The following DCTN6 variants were observed in gnomAD, a reference collection of about 807,000 sequenced individuals.
DCTN6 encodes the protein dynactin subunit 6.
In DCTN6, 15 loss-of-function variants were observed where a neutral mutation model predicts 25.8. The ratio of observed to expected loss-of-function variants is 0.58; its 90% confidence interval spans 0.39 to 0.89. The LOEUF (loss-of-function observed/expected upper bound fraction) is 0.89. Ranked by LOEUF, DCTN6 falls within the 40% of genes least tolerant of loss-of-function variation. The probability of loss-of-function intolerance (pLI) is 0.00; values close to 1 mark genes in which losing one functional copy is unlikely to be tolerated. For missense variants in DCTN6, 198 were observed against 237.6 expected, an observed-to-expected ratio of 0.83 and a Z score of 1.09; for synonymous variants, 64 against 78.3, an observed-to-expected ratio of 0.82 and a Z score of 0.96.
chr8:30,177,174 T>C lies in DCTN6; in HGVS notation c.243T>C (p.Pro81=), dbSNP rs1803847279. ...TPDTEDPEPK[P]MIIGTNNVFE... is the part of the protein sequence containing the mutation. ...ACACTGAAGATCCAGAACCAAAACC[T>C]ATGATCATTGGCACCAATAATGTGT... Residue 81 remains proline, a synonymous_variant, in exon 4 of 7, where the codon CCT becomes CCC. Coordinates refer to ENST00000221114, the MANE Select transcript of DCTN6 (RefSeq NM_006571.4). The C allele has an allele frequency of 1.4e-5, 22 of 1,613,756 alleles. No homozygotes were observed. The highest frequency in any genetic ancestry group is 1.9e-5 in the Non-Finnish European group (22 of 1,179,894).
chr8:30,163,974 T>C, intron 1 of DCTN6, 137 bp from the exon 2 acceptor site: 1 of 705,116 alleles, frequency 1.4e-6, no homozygotes, highest in Non-Finnish European at 2.5e-6. Flanking sequence ...AGTGCTAGGA[T>C]TACAGGCGTG....
At chr8:30,165,075 T>G (rs879452063) in intron 2 of DCTN6, among the ~76,000 whole-genome samples, 5 of 152,208 alleles carry the variant, frequency 3.3e-5, no homozygotes, top group Non-Finnish European at 7.3e-5. Context: ...ATGAGCAATT[T>G]TCATAACATG....
chr8:30,175,196 ACT>A lies in DCTN6; in HGVS notation c.194+9_194+10del, dbSNP rs769297839. On this transcript the variant is annotated splice_region_variant and intron_variant, in intron 3 of 6. Transcript: ENST00000221114. ...CAGGCCCTTATCATAAATGCGTAAGACTCTTATACATACTGTGAACCAAGTAC... is the reference window on the plus strand; with the variant it reads ...CAGGCCCTTATCATAAATGCGTAAGACTTATACATACTGTGAACCAAGTAC... 15 of 1,609,984 alleles carry A rather than the reference ACT, an allele frequency of 9.3e-6. No homozygotes were observed. In the East Asian group the frequency reaches 2.9e-4, roughly 31 times the overall value.
intron 6 of DCTN6, among the ~76,000 whole-genome samples, chr8:30,181,686 A>G (rs1323067878): frequency 6.6e-6 from 1 of 152,040 alleles, no homozygotes; most frequent in Non-Finnish European, 1.5e-5. Flanking sequence ...GAAGGAGTTT[A>G]AGACCAGCCT....
Position 30,156,687 on chromosome 8 carries a change from C to CG in DCTN6, c.23+289dup, listed in dbSNP as rs11305860. Among the ~76,000 whole-genome samples, 416 of 151,130 alleles carry CG rather than the reference C, an allele frequency of 2.8e-3. 2 individuals carry two copies. Among genetic ancestry groups the CG allele is most frequent in the African/African-American group, 6.6e-3 (273 of 41,204 alleles). ...AGAGGGGGTCTCCCGGCCGGGAGGGCGGGGGGGGCTGTGAGGGGAGGGTGA... is the reference window on the plus strand; with the variant it reads ...AGAGGGGGTCTCCCGGCCGGGAGGGCGGGGGGGGGCTGTGAGGGGAGGGTGA... On this transcript the variant is annotated intron_variant, in intron 1 of 6. Transcript: ENST00000221114.
intron 2 of DCTN6, chr8:30,165,869 A>G (rs1194520081): frequency 6.7e-6 from 1 of 149,084 alleles, no homozygotes; most frequent in African/African-American, 2.5e-5. Flanking sequence ...CTCAGAAAAA[A>G]AAAAAAAGAA....
chr8:30,171,297 T>TA (rs1168010138), intron 2 of DCTN6, among the ~76,000 whole-genome samples: 4 of 152,098 alleles, frequency 2.6e-5, no homozygotes. Flanking sequence ...TTGCCCAGGC[T>TA]AGAGTACAGT....
intron 2 of DCTN6, among the ~76,000 whole-genome samples, chr8:30,167,926 C>T (rs141010388): frequency 0.041 from 6,188 of 152,262 alleles, 170 homozygotes; most frequent in Non-Finnish European, 0.064. Context: ...ATCTCAAACT[C>T]CTAACCTCAA....
intron 2 of DCTN6, among the ~76,000 whole-genome samples, chr8:30,174,239 T>C (rs1049792360): frequency 3.3e-5 from 5 of 152,202 alleles, no homozygotes; most frequent in Non-Finnish European, 5.9e-5. Context: ...CTGTGCCACC[T>C]TTCAGTAGGT....
At chr8:30,159,238 A>T (rs1803568272) in intron 1 of DCTN6, among the ~76,000 whole-genome samples, 1 of 51,690 alleles carries the variant, frequency 1.9e-5, no homozygotes, top group Non-Finnish European at 9.2e-5. Flanking sequence ...CTCAGGGATT[A>T]TTAGTTTTTT....
At chr8:30,182,603 T>TAAA (rs567422029) in intron 6 of DCTN6, among the ~76,000 whole-genome samples, 1 of 143,602 alleles carries the variant, frequency 7.0e-6, no homozygotes, top group African/African-American at 2.5e-5. Flanking sequence ...CCTTATAAAT[T>TAAA]AAAAAAAAAA....
chr8:30,171,309 G>A (rs1032027139), intron 2 of DCTN6, among the ~76,000 whole-genome samples: 2 of 151,880 alleles, frequency 1.3e-5, no homozygotes, highest in African/African-American at 4.8e-5. Flanking sequence ...GAGTACAGTG[G>A]TACAATCATT....
At chr8:30,175,048 C>T (rs762185714) in intron 2 of DCTN6, 37 bp from the exon 3 acceptor site, 43 of 1,577,504 alleles carry the variant, frequency 2.7e-5, no homozygotes, top group Non-Finnish European at 3.6e-5. Flanking sequence ...GAAGCATAGC[C>T]TCCACCAATA....
chr8:30,173,915 G>A (rs192422837), intron 2 of DCTN6, among the ~76,000 whole-genome samples: 30 of 152,142 alleles, frequency 2.0e-4, no homozygotes, highest in Non-Finnish European at 3.7e-4. Flanking sequence ...GATGGATATT[G>A]GAGAGAGCCT....
intron 1 of DCTN6, among the ~76,000 whole-genome samples, chr8:30,163,534 C>A (rs1186932270): frequency 6.6e-6 from 1 of 152,106 alleles, no homozygotes; most frequent in East Asian, 1.9e-4. Flanking sequence ...AGGTTGTTTT[C>A]AGCTTTTTGT....
chr8:30,170,457 G>A (rs1251484198), intron 2 of DCTN6, among the ~76,000 whole-genome samples: 4 of 152,090 alleles, frequency 2.6e-5, no homozygotes, highest in Admixed American at 2.6e-4. Context: ...ATGCGGCGGT[G>A]CTTTCTCTCC....
chr8:30,176,988 A>G, intron 3 of DCTN6, 138 bp from the exon 4 acceptor site: 1 of 621,044 alleles, frequency 1.6e-6, no homozygotes, highest in Non-Finnish European at 2.8e-6. Context: ...AGAAAGAAAA[A>G]AAGAAATAAC....
intron 1 of DCTN6, among the ~76,000 whole-genome samples, chr8:30,163,295 C>G (rs1156231005): frequency 6.6e-6 from 1 of 151,078 alleles, no homozygotes; most frequent in Non-Finnish European, 1.5e-5. Context: ...GAAACTCTGT[C>G]TCAAAAAAAA....
At chr8:30,157,650 G>A (rs1023951596) in intron 1 of DCTN6, among the ~76,000 whole-genome samples, 1 of 152,320 alleles carries the variant, frequency 6.6e-6, no homozygotes, top group East Asian at 1.9e-4. Flanking sequence ...AACATGTGGG[G>A]ACAGGAAGTT....
Sources: gnomAD v4.1 joint callset for allele counts (sites outside exome capture counted in the v4.1 genomes callset) on GRCh38, gnomAD v4.1.1 for gene constraint, MANE v1.5 for transcripts, NCBI Gene and HGNC (gene_info 2026-07-23, HGNC 2026-07-21) for gene names.